The following FRK variants were observed in gnomAD, a reference collection of about 807,000 sequenced individuals.
The protein encoded by FRK is tyrosine-protein kinase FRK.
Under a neutral mutation model 56.4 loss-of-function variants are expected in FRK, and 51 were observed. That is an observed-to-expected ratio of 0.90 (90% CI 0.72 to 1.14). FRK has a LOEUF of 1.14. Ranked by LOEUF, FRK falls within the 50% of genes most tolerant of loss-of-function variation. FRK has a pLI of 0.00. For synonymous variants in FRK, 245 were observed against 217.9 expected, an observed-to-expected ratio of 1.12 and a Z score of -1.10; for missense variants, 570 against 601.4, an observed-to-expected ratio of 0.95 and a Z score of 0.55.
intron 2 of FRK, among the ~76,000 whole-genome samples, chr6:115,976,625 C>A (rs530088865): frequency 2.6e-5 from 4 of 152,204 alleles, no homozygotes; most frequent in African/African-American, 9.6e-5. Flanking sequence ...CTGAGTAAAA[C>A]AATATGACTT....
In FRK at chr6:115,931,817, A is replaced by C. The variant is rs1356401417; in HGVS notation, c.*10597T>G. 2 of 152,206 alleles carry C rather than the reference A, an allele frequency of 1.3e-5. No homozygotes were observed. The highest frequency in any genetic ancestry group is 2.9e-5 in the Non-Finnish European group (2 of 68,014). The allele number at this position is 152,206 out of a possible 1,614,324, so 9.4% of individuals were successfully genotyped here. A position where few individuals can be genotyped will look rare whatever the true frequency, so the allele number is the denominator to read the frequency against. On this transcript the variant is annotated 3_prime_UTR_variant, in exon 8 of 8. Transcript: ENST00000606080. ...ATATTTAGTTTCTTCCAAACAGGGCAGTTTTAGTTGCTTTTAACCACTTTT... is the reference window on the plus strand; with the variant it reads ...ATATTTAGTTTCTTCCAAACAGGGCCGTTTTAGTTGCTTTTAACCACTTTT...
the FRK span, among the ~76,000 whole-genome samples, chr6:116,091,884 C>A: frequency 0.18 from 27,114 of 151,974 alleles, 2,893 homozygotes; most frequent in African/African-American, 0.29. Flanking sequence ...GGGGTCCAGA[C>A]AAAAAGTTGG....
At chr6:116,040,503 A>G (rs1275434953) in intron 1 of FRK, among the ~76,000 whole-genome samples, 1 of 152,190 alleles carries the variant, frequency 6.6e-6, no homozygotes, top group Non-Finnish European at 1.5e-5. Context: ...TGGGCTTTAT[A>G]AAAATAGAAT....
At chr6:116,078,159 T>C in the FRK span, among the ~76,000 whole-genome samples, 1 of 152,208 alleles carries the variant, frequency 6.6e-6, no homozygotes, top group South Asian at 2.1e-4. Flanking sequence ...AAACTCCATT[T>C]CATAAATAAA....
chr6:115,982,910 A>T (rs555185269), intron 2 of FRK, among the ~76,000 whole-genome samples: 1 of 152,130 alleles, frequency 6.6e-6, no homozygotes, highest in African/African-American at 2.4e-5. Context: ...CATCTCTACT[A>T]AAAATACAAA....
intron 2 of FRK, among the ~76,000 whole-genome samples, chr6:115,970,162 A>C (rs1773748264): frequency 6.6e-6 from 1 of 152,072 alleles, no homozygotes; most frequent in African/African-American, 2.4e-5. Flanking sequence ...AGGAATTGGC[A>C]CACACCAGAA....
At chr6:116,022,950 C>T (rs148602371) in intron 1 of FRK, among the ~76,000 whole-genome samples, 3 of 152,166 alleles carry the variant, frequency 2.0e-5, no homozygotes, top group South Asian at 2.1e-4. Flanking sequence ...TCAACAAAAA[C>T]GAACTCCAAG....
At position 115,956,620 on chromosome 6, in the gene FRK, G is replaced by T; in HGVS notation, c.800-10C>A. Reference sequence around the variant, plus strand: ...TTTGGATCCATTGAACCTGAAACAAGAAGAGGGAGAAATCACTTTATGTTA... The same window carrying T: ...TTTGGATCCATTGAACCTGAAACAATAAGAGGGAGAAATCACTTTATGTTA... On this transcript the variant is annotated splice_polypyrimidine_tract_variant and intron_variant, in intron 4 of 7. Coordinates refer to ENST00000606080, the MANE Select transcript of FRK (RefSeq NM_002031.3). 6.5e-7 allele frequency: 1 copy of T among 1,527,334 alleles called. No individual in the cohort carries two copies. The highest frequency in any genetic ancestry group is 1.4e-5 in the South Asian group (1 of 73,498). 94.6% of individuals were successfully genotyped at this position (1,527,334 alleles called of 1,614,324 possible).
upstream of FRK, among the ~76,000 whole-genome samples, chr6:116,062,522 C>A (rs1255721842): frequency 6.6e-6 from 1 of 151,158 alleles, no homozygotes; most frequent in African/African-American, 2.4e-5. Flanking sequence ...GAGATGTATT[C>A]AAACCCAATT....
the FRK span, among the ~76,000 whole-genome samples, chr6:116,084,439 G>A: frequency 6.6e-6 from 1 of 152,212 alleles, no homozygotes; most frequent in African/African-American, 2.4e-5. Context: ...GGGACTGACT[G>A]TTTTCAGATG....
the FRK span, among the ~76,000 whole-genome samples, chr6:116,091,823 G>C: frequency 6.6e-6 from 1 of 152,144 alleles, no homozygotes; most frequent in Non-Finnish European, 1.5e-5. Context: ...CACTTTTCCT[G>C]TACTTCTGGG....
At chr6:116,015,037 G>C (rs774284570) in intron 1 of FRK, among the ~76,000 whole-genome samples, 1 of 152,014 alleles carries the variant, frequency 6.6e-6, no homozygotes, top group Non-Finnish European at 1.5e-5. Flanking sequence ...GTATTTACAC[G>C]AGCTGGTGCC....
In FRK at chr6:115,941,310, AAGG is replaced by A. The variant is rs1772169348; in HGVS notation, c.*1101_*1103del. Reference sequence around the variant, plus strand: ...CTGAACAATGAGAACATATGGACACAAGGAGGGGAACATCACATACTGGGGCCT... The same window carrying A: ...CTGAACAATGAGAACATATGGACACAAGGGGAACATCACATACTGGGGCCT... On this transcript the variant is annotated 3_prime_UTR_variant, in exon 8 of 8. Coordinates refer to ENST00000606080, the MANE Select transcript of FRK (RefSeq NM_002031.3). The A allele has an allele frequency of 8.4e-5, 2 of 23,948 alleles. No individual in the cohort carries two copies. Among genetic ancestry groups the A allele is most frequent in the Non-Finnish European group, 1.0e-4 (1 of 9,800 alleles). The allele number at this position is 23,948 out of a possible 1,614,324, so 1.5% of individuals were successfully genotyped here. A position where few individuals can be genotyped will look rare whatever the true frequency, so the allele number is the denominator to read the frequency against.
chr6:116,096,148 G>A, the FRK span, among the ~76,000 whole-genome samples: 1 of 152,174 alleles, frequency 6.6e-6, no homozygotes, highest in East Asian at 1.9e-4. Context: ...TTCTACCGAG[G>A]ACCCGTGGAC....
intron 1 of FRK, among the ~76,000 whole-genome samples, chr6:116,047,230 C>G (rs1776998260): frequency 6.6e-6 from 1 of 151,918 alleles, no homozygotes; most frequent in South Asian, 2.1e-4. Flanking sequence ...TAGCCTCACT[C>G]TACTCCAACC....
chr6:115,996,193 C>G (rs1216861693), intron 2 of FRK, among the ~76,000 whole-genome samples: 3 of 152,068 alleles, frequency 2.0e-5, no homozygotes, highest in Non-Finnish European at 4.4e-5. Flanking sequence ...TTGGGACATA[C>G]AATTGTCTTT....
chr6:116,022,477 T>C lies in FRK; in HGVS notation c.345-18479A>G, dbSNP rs568105601. Among the ~76,000 whole-genome samples the C allele has an allele frequency of 1.1e-3, 161 of 152,212 alleles. 1 individual carries two copies. The highest frequency in any genetic ancestry group is 3.7e-3 in the African/African-American group (154 of 41,556). ...AAAAATATATCACAACCAAATGGGA[T>C]TTATCCCATTTAGAAGGTTATTTGA... On this transcript the variant is annotated intron_variant, in intron 1 of 7. Coordinates refer to ENST00000606080, the MANE Select transcript of FRK (RefSeq NM_002031.3).
chr6:116,094,260 T>C, the FRK span, among the ~76,000 whole-genome samples: 1 of 152,144 alleles, frequency 6.6e-6, no homozygotes, highest in African/African-American at 2.4e-5. Context: ...GATGATCCAA[T>C]AACAGGACTG....
intron 2 of FRK, among the ~76,000 whole-genome samples, chr6:116,000,124 G>A (rs1328666593): frequency 6.7e-6 from 1 of 149,378 alleles, no homozygotes; most frequent in African/African-American, 2.5e-5. Context: ...TCTACTTAGA[G>A]AGTATTCTGA....
Sources: gnomAD v4.1 joint callset for allele counts (sites outside exome capture counted in the v4.1 genomes callset) on GRCh38, gnomAD v4.1.1 for gene constraint, MANE v1.5 for transcripts, NCBI Gene and HGNC (gene_info 2026-07-23, HGNC 2026-07-21) for gene names.